MYH13: variants seen among roughly 807,000 people sequenced by gnomAD.
The protein encoded by MYH13 is myosin-13.
MYH13 carries 177 observed loss-of-function variants against 232.1 expected under a neutral mutation model. That is an observed-to-expected ratio of 0.76 (90% confidence interval 0.67 to 0.86). The LOEUF is 0.86. Ranked by LOEUF, MYH13 falls within the 40% of genes least tolerant of loss-of-function variation. The pLI is 0.00. For missense variants in MYH13, 2,246 were observed against 2,405.9 expected (o/e 0.93, Z 1.39); for synonymous variants, 884 against 923.5 (o/e 0.96, Z 0.78).
chr17:10,318,695 T>C, intron 27 of MYH13, 95 bp downstream of exon 27: 1 of 1,484,146 alleles, frequency 6.7e-7, no homozygotes, highest in Non-Finnish European at 9.2e-7. Context: ...GTGTAGAACA[T>C]GCAGTGGTTT....
intron 15 of MYH13, 90 bp from the exon 16 acceptor site, chr17:10,344,199 A>C (rs2071642400): frequency 6.2e-5 from 94 of 1,516,158 alleles, no homozygotes; most frequent in Non-Finnish European, 7.9e-5. Context: ...TGGTGCTTTC[A>C]CTCTGGTACC....
intron 35 of MYH13, among the ~76,000 whole-genome samples, chr17:10,308,818 T>TAA (rs1270819027): frequency 1.3e-5 from 2 of 152,158 alleles, no homozygotes; most frequent in Non-Finnish European, 2.9e-5. Context: ...ACTCCTGGGC[T>TAA]AAAGCAAACC....
chr17:10,357,259 G>T (rs1437547683), intron 8 of MYH13, among the ~76,000 whole-genome samples: 1 of 152,312 alleles, frequency 6.6e-6, no homozygotes, highest in Middle Eastern at 3.4e-3. Flanking sequence ...ACCGCGCCCA[G>T]ACTATTTCAA....
At chr17:10,351,635 T>C (rs1180458135) in intron 11 of MYH13, among the ~76,000 whole-genome samples, 1 of 152,146 alleles carries the variant, frequency 6.6e-6, no homozygotes, top group African/African-American at 2.4e-5. Flanking sequence ...GAGGGTCTAG[T>C]TGGTAAGTAG....
chr17:10,344,138 T>A (rs755886333), intron 15 of MYH13, 29 bp from the exon 16 acceptor site: 6 of 1,609,916 alleles, frequency 3.7e-6, no homozygotes, highest in Non-Finnish European at 5.1e-6. Flanking sequence ...AGTCTACATA[T>A]AATAGTGCAT....
intron 2 of MYH13, among the ~76,000 whole-genome samples, chr17:10,367,596 G>A (rs1231875179): frequency 4.6e-5 from 7 of 152,172 alleles, no homozygotes; most frequent in African/African-American, 1.2e-4. Flanking sequence ...TGATCCTCCC[G>A]CCTCAGCTTC....
intron 39 of MYH13, 50 bp downstream of exon 39, chr17:10,303,146 C>A: frequency 6.5e-7 from 1 of 1,533,130 alleles, no homozygotes; most frequent in Non-Finnish European, 9.0e-7. Flanking sequence ...ACCCAGGATG[C>A]CCCAGGGACT....
intron 16 of MYH13, among the ~76,000 whole-genome samples, chr17:10,342,009 A>G (rs961062670): frequency 2.0e-5 from 3 of 152,086 alleles, no homozygotes; most frequent in Admixed American, 6.6e-5. Flanking sequence ...TTAAAAGTAT[A>G]TTTACTGGTA....
intron 2 of MYH13, among the ~76,000 whole-genome samples, chr17:10,366,381 G>GTTTTTTTTTTTGT (rs2071837623): frequency 8.9e-6 from 1 of 112,640 alleles, no homozygotes; most frequent in African/African-American, 3.2e-5. Flanking sequence ...AAATAAATCT[G>GTTTTTTTTTTTGT]TTTTTTTTTT....
At chr17:10,353,353 G>A (rs1377484010) in intron 11 of MYH13, among the ~76,000 whole-genome samples, 1 of 152,042 alleles carries the variant, frequency 6.6e-6, no homozygotes, top group Non-Finnish European at 1.5e-5. Flanking sequence ...TTTTCTATTT[G>A]TGTTAAAACA....
rs1906220838 is a variant in MYH13, at chr17:10,304,778, C to G, written c.5467-1280G>C. Among the ~76,000 whole-genome samples the G allele has an allele frequency of 6.6e-6, 1 of 152,254 alleles. No individual in the cohort carries two copies. The highest frequency in any genetic ancestry group is 1.5e-5 in the Non-Finnish European group (1 of 68,042). On this transcript the variant is annotated intron_variant, in intron 37 of 40. Transcript: ENST00000252172. This position sits in a 1 kb window ranked among gnomAD's most constrained non-coding sequence, Gnocchi z 5.3. ...AAAGTATTGTTAGAATGACAAAGCA[C>G]TACACAGGTGTTGTTAATTTCATAG...
intron 12 of MYH13, 59 bp downstream of exon 12, chr17:10,350,497 C>T: frequency 1.3e-6 from 2 of 1,570,372 alleles, no homozygotes; most frequent in East Asian, 2.3e-5. Context: ...TCTCACACGG[C>T]CTCGCCCGCA....
intron 3 of MYH13, among the ~76,000 whole-genome samples, chr17:10,363,380 T>C (rs1016720265): frequency 3.3e-5 from 5 of 151,992 alleles, no homozygotes; most frequent in Non-Finnish European, 1.5e-5. Flanking sequence ...TCCTGGATTT[T>C]GTTTTCCAAA....
chr17:10,311,960 C>T lies in MYH13; in HGVS notation c.4482G>A (p.Glu1494=), dbSNP rs1906521449. 6.2e-7 allele frequency: 1 copy of T among 1,614,010 alleles called. No individual in the cohort carries two copies. Among genetic ancestry groups the T allele is most frequent in the Admixed American group, 1.7e-5 (1 of 60,028 alleles). Residue 1494 remains glutamate (E), a synonymous_variant, in exon 32 of 41, where the codon GAG becomes GAA. Coordinates refer to ENST00000252172, the MANE Select transcript of MYH13 (RefSeq NM_003802.3). Reference sequence around the variant, plus strand: ...TCAGTGTCTCTAACTGGTCCACCACCTCCTCATAGGCATTCCTCATCTTGA... The same window carrying T: ...TCAGTGTCTCTAACTGGTCCACCACTTCCTCATAGGCATTCCTCATCTTGA... ...ELFKMRNAYE[E]VVDQLETLRR... is the part of the protein sequence containing the mutation.
chr17:10,309,185 C>G (rs769905037), intron 35 of MYH13, 49 bp downstream of exon 35: 5 of 1,577,184 alleles, frequency 3.2e-6, no homozygotes, highest in Non-Finnish European at 4.3e-6. Context: ...GCAGGAGGCG[C>G]TATCTGCCCC....
intron 2 of MYH13, among the ~76,000 whole-genome samples, chr17:10,364,749 A>G (rs2071820261): frequency 2.7e-5 from 4 of 147,510 alleles, no homozygotes; most frequent in Non-Finnish European, 6.1e-5. Context: ...ACAAAAAAGT[A>G]TGAAGGTTTT....
rs78375554 is a variant in MYH13 at position 10,324,421 on chromosome 17, G to A, written c.2692-157C>T. On this transcript the variant is annotated intron_variant, in intron 22 of 40. Transcript: ENST00000252172. ...ATGTGCACACACTGCACACACACGT[G>A]TACATAAACTTAGATATCACCCATA... Among the ~76,000 whole-genome samples, 46 of 152,180 alleles carry A rather than the reference G, an allele frequency of 3.0e-4. No individual in the cohort carries two copies. The East Asian group carries it at 8.5e-3, about 28-fold the overall frequency.
In MYH13 at chr17:10,358,474, G is replaced by C. The variant is rs140677632; in HGVS notation, c.646-647C>G. The stretch of plus-strand genomic sequence containing the variant: ...ATGAACACTACCTGGGAATATATGA[G>C]AAATGCCAGGTATGGTAGTTCACAC... On this transcript the variant is annotated intron_variant, in intron 7 of 40. Coordinates refer to ENST00000252172, the MANE Select transcript of MYH13 (RefSeq NM_003802.3). Among the ~76,000 whole-genome samples the C allele has an allele frequency of 9.2e-5, 14 of 152,210 alleles. No individual in the cohort carries two copies. The East Asian group carries it at 1.5e-3, about 17-fold the overall frequency.
rs766335653 is a variant in MYH13, at chr17:10,362,187, T to G, written c.436A>C (p.Lys146Gln). ...KPEVVAAYRG[K>Q]KRQEAPPHIF... ...TGGGGCGGGGCCTCCTGGCGCTTTT[T>G]GCCTCTGTAGGCAGCCACCACCTCG... is the stretch of plus-strand genomic sequence containing the variant. Residue 146 changes from lysine (K) to glutamine (Q), a missense_variant, in exon 5 of 41, where the codon AAA becomes CAA. Physicochemically the swap from Lys to Gln is moderately conservative, Grantham distance 53. Transcript: ENST00000252172. 6.2e-7 allele frequency: 1 copy of G among 1,613,850 alleles called. No individual in the cohort carries two copies. The highest frequency in any genetic ancestry group is 2.2e-5 in the East Asian group (1 of 44,904).
Sources: allele counts gnomAD v4.1 joint callset (sites outside exome capture counted in the v4.1 genomes callset), GRCh38; gene constraint gnomAD v4.1.1; non-coding constraint Gnocchi (gnomAD v3.1); transcripts MANE v1.5; gene names NCBI Gene and HGNC (gene_info 2026-07-23, HGNC 2026-07-21).